Variants in SYTL3 observed in about 807,000 individuals in gnomAD.
SYTL3 encodes the protein synaptotagmin like 3, also known as synaptotagmin-like protein 3.
A neutral mutation model predicts 82.1 loss-of-function variants in SYTL3; 88 were observed. The observed-to-expected ratio is 1.07, with a 90% CI of 0.90 to 1.28. The LOEUF is 1.28. Among genes scored for constraint, SYTL3 ranks in the 50% most tolerant of loss-of-function variants. The pLI, the probability that SYTL3 is intolerant of heterozygous loss-of-function variation, is 0.00. For missense variants in SYTL3, 831 were observed against 757.6 expected (o/e 1.10, Z -1.14); for synonymous variants, 311 against 289.4 (o/e 1.07, Z -0.76).
At chr6:158,734,052 G>A (rs990096300) in intron 11 of SYTL3, among the ~76,000 whole-genome samples, 20 of 128,554 alleles carry the variant, frequency 1.6e-4, no homozygotes, top group South Asian at 2.5e-4. Context: ...CCGAGATTGC[G>A]CCACTGCACT....
upstream of SYTL3, among the ~76,000 whole-genome samples, chr6:158,648,290 T>C (rs1235385090): frequency 6.7e-6 from 1 of 149,006 alleles, no homozygotes; most frequent in African/African-American, 2.5e-5. Flanking sequence ...CGAAACTCCG[T>C]CTCAAAAAAT....
chr6:158,729,441 G>A (rs1463274537), intron 11 of SYTL3, among the ~76,000 whole-genome samples: 1 of 152,046 alleles, frequency 6.6e-6, no homozygotes, highest in Non-Finnish European at 1.5e-5. Context: ...GACTTATTCA[G>A]TTCCCAGAGG....
chr6:158,758,188 C>T (rs573306790), intron 14 of SYTL3, among the ~76,000 whole-genome samples: 1 of 152,226 alleles, frequency 6.6e-6, no homozygotes, highest in Admixed American at 6.5e-5. Flanking sequence ...TGACTGTAAT[C>T]CCAGCACTTT....
chr6:158,690,513 G>A (rs1467918984), intron 6 of SYTL3, among the ~76,000 whole-genome samples: 2 of 151,996 alleles, frequency 1.3e-5, no homozygotes, highest in Non-Finnish European at 2.9e-5. Flanking sequence ...AAGATAAAAT[G>A]CCCCCCAGAT....
chr6:158,658,284 T>G (rs372098446), intron 2 of SYTL3, among the ~76,000 whole-genome samples: 1 of 152,252 alleles, frequency 6.6e-6, no homozygotes, highest in East Asian at 1.9e-4. Context: ...ATTAAAATTT[T>G]TTTTTGCCTA....
chr6:158,707,856 T>G (rs1397795614), intron 7 of SYTL3, among the ~76,000 whole-genome samples: 1 of 152,226 alleles, frequency 6.6e-6, no homozygotes, highest in African/African-American at 2.4e-5. Flanking sequence ...TTTTCCAATA[T>G]CGAGACTTTT....
At chr6:158,754,307 G>T (rs1174732072) in intron 13 of SYTL3, among the ~76,000 whole-genome samples, 1 of 152,174 alleles carries the variant, frequency 6.6e-6, no homozygotes, top group Non-Finnish European at 1.5e-5. Context: ...TGATCTCACT[G>T]GGTGACATTG....
chr6:158,690,924 A>G (rs1014509602), intron 6 of SYTL3, among the ~76,000 whole-genome samples: 4 of 152,134 alleles, frequency 2.6e-5, no homozygotes, highest in Admixed American at 2.0e-4. Context: ...GCATTTGGCA[A>G]TCCGTGCAGA....
Position 158,718,071 on chromosome 6 carries a change from T to C in SYTL3, c.596-16T>C. 1.3e-6 allele frequency: 2 copies of C among 1,512,412 alleles called. No homozygotes were observed. The highest frequency in any genetic ancestry group is 1.8e-6 in the Non-Finnish European group (2 of 1,128,158). The allele number at this position is 1,512,412 out of a possible 1,614,324, so 93.7% of individuals were successfully genotyped here. A position where few individuals can be genotyped will look rare whatever the true frequency, so the allele number is the denominator to read the frequency against. ...CTGCTTGTTCCCACCCATCAACCCT[T>C]GTGTTTGCCTTTTAGAGCTCTCCAA... On this transcript the variant is annotated splice_polypyrimidine_tract_variant and intron_variant, in intron 9 of 17. Transcript: ENST00000611299.
intron 9 of SYTL3, among the ~76,000 whole-genome samples, chr6:158,716,614 C>G (rs1272155334): frequency 1.3e-5 from 2 of 152,182 alleles, no homozygotes; most frequent in Non-Finnish European, 2.9e-5. Context: ...TAGGAGGCAT[C>G]CTGGTGGAAA....
At chr6:158,648,520 G>A (rs1787644857), upstream of SYTL3, among the ~76,000 whole-genome samples, 1 of 151,628 alleles carries the variant, frequency 6.6e-6, no homozygotes, top group Middle Eastern at 3.4e-3. Context: ...GAACCCGGGA[G>A]GCGGAGCTTG....
At chr6:158,716,305 G>A (rs1486853431) in intron 9 of SYTL3, among the ~76,000 whole-genome samples, 1 of 152,116 alleles carries the variant, frequency 6.6e-6, no homozygotes, top group Admixed American at 6.6e-5. Flanking sequence ...AATTTCTCAA[G>A]AAGGCTTGTC....
At chr6:158,745,392 T>C in intron 11 of SYTL3, 88 bp from the exon 12 acceptor site, 1 of 1,202,822 alleles carries the variant, frequency 8.3e-7, no homozygotes, top group Non-Finnish European at 1.2e-6. Context: ...GCTGTATGAG[T>C]TTTTATTTAT....
chr6:158,710,262 C>T (rs1782608689), intron 8 of SYTL3, among the ~76,000 whole-genome samples: 1 of 152,114 alleles, frequency 6.6e-6, no homozygotes, highest in South Asian at 2.1e-4. Flanking sequence ...TGTGTGCATC[C>T]AGCTTTGTAA....
At chr6:158,698,144 T>C (rs9457438) in intron 6 of SYTL3, among the ~76,000 whole-genome samples, 77,373 of 151,936 alleles carry the variant, frequency 0.51, 20,414 homozygotes, top group African/African-American at 0.64. Context: ...CGCCTGTAAT[T>C]TCAGCACTTT....
chr6:158,690,058 C>G (rs1398432669), intron 6 of SYTL3, among the ~76,000 whole-genome samples: 2 of 152,210 alleles, frequency 1.3e-5, no homozygotes, highest in African/African-American at 2.4e-5. Context: ...GCGTTGTAAC[C>G]CAGGGCCACT....
chr6:158,679,465 A>G (rs1043347169), intron 5 of SYTL3, among the ~76,000 whole-genome samples: 11 of 152,232 alleles, frequency 7.2e-5, no homozygotes, highest in African/African-American at 2.7e-4. Flanking sequence ...ATTTTGCAAG[A>G]AAGGGTAATG....
chr6:158,700,508 C>T (rs1781065543), intron 6 of SYTL3, among the ~76,000 whole-genome samples: 1 of 152,116 alleles, frequency 6.6e-6, no homozygotes, highest in Non-Finnish European at 1.5e-5. Flanking sequence ...CTAAATTGTG[C>T]AAAACCAATG....
At chr6:158,709,052 G>A (rs1782454217) in intron 8 of SYTL3, among the ~76,000 whole-genome samples, 1 of 152,194 alleles carries the variant, frequency 6.6e-6, no homozygotes, top group African/African-American at 2.4e-5. Flanking sequence ...GGCCAACATG[G>A]TGAAACCCTG....
Sources: allele counts gnomAD v4.1 joint callset (sites outside exome capture counted in the v4.1 genomes callset), GRCh38; gene constraint gnomAD v4.1.1; transcripts MANE v1.5; gene names NCBI Gene and HGNC (gene_info 2026-07-23, HGNC 2026-07-21).